Variants in NUP50 observed in about 807,000 individuals in gnomAD.
NUP50 encodes the protein nucleoporin 50.
NUP50 carries 14 observed loss-of-function variants against 36.8 expected under a neutral mutation model. The ratio of observed to expected loss-of-function variants is 0.38; its 90% CI spans 0.25 to 0.59. The LOEUF (loss-of-function observed/expected upper bound fraction) is 0.59, where lower values mean the gene tolerates loss of function less well. Among genes scored for constraint, NUP50 ranks in the 20% least tolerant of loss-of-function variants. NUP50 has a pLI of 0.63. For missense variants in NUP50, 455 were observed against 564.6 expected, an observed-to-expected ratio of 0.81 and a Z score of 1.97; for synonymous variants, 195 against 210.8, an observed-to-expected ratio of 0.93 and a Z score of 0.65.
In NUP50 at chr22:45,178,273, G is replaced by A. The variant is rs1472007091; in HGVS notation, c.376G>A (p.Asp126Asn). ...LAANGPTTLVDKVSNPKTNGD... is the reference protein window; with the variant it reads ...LAANGPTTLVNKVSNPKTNGD... Reference sequence around the variant, plus strand: ...TGCAAATGGCCCTACCACCTTGGTTGATAAAGTTTCAAATCCCAAAACTAA... The same window carrying A: ...TGCAAATGGCCCTACCACCTTGGTTAATAAAGTTTCAAATCCCAAAACTAA... Residue 126 changes from aspartate to asparagine, a missense_variant, in exon 5 of 8, where the codon GAT becomes AAT. By Grantham distance (23) the Asp-to-Asn change is conservative. This residue lies in a region of NUP50 where 166 missense variants were observed against 202.8 expected (regional missense o/e 0.82). Coordinates refer to ENST00000347635, the MANE Select transcript of NUP50 (RefSeq NM_007172.4). The A allele has an allele frequency of 1.2e-6, 2 of 1,613,932 alleles. No individual in the cohort carries two copies. Among genetic ancestry groups the A allele is most frequent in the Admixed American group, 1.7e-5 (1 of 60,010 alleles).
intron 2 of NUP50, chr22:45,171,259 C>T: frequency 7.7e-6 from 7 of 905,224 alleles, no homozygotes; most frequent in Non-Finnish European, 9.9e-6. Flanking sequence ...TGCAGTGGTG[C>T]TATCTCGGCT....
Position 45,185,646 on chromosome 22 carries a change from C to T in NUP50, c.*991C>T, listed in dbSNP as rs1473336731. 6.6e-6 allele frequency: 1 copy of T among 152,128 alleles called. No individual in the cohort carries two copies. Among genetic ancestry groups the T allele is most frequent in the Non-Finnish European group, 1.5e-5 (1 of 68,034 alleles). 9.4% of individuals were successfully genotyped at this position (152,128 alleles called of 1,614,324 possible). ...AGAGAAAATCGTGTGTAAACTTTGC[C>T]TTTAACTTTAGACCGCAGTATATTA... On this transcript the variant is annotated 3_prime_UTR_variant, in exon 8 of 8. Transcript: ENST00000347635.
rs1436429506 is a variant in NUP50, at chr22:45,187,536, TAAAC to T, written c.*2884_*2887del. Reference sequence around the variant, plus strand: ...CACTGAGAGCCTTTTCAGTAAAAGTTAAACAAGTTTGTTTTTTGAGCATTTGTCA... The same window carrying T: ...CACTGAGAGCCTTTTCAGTAAAAGTTAAGTTTGTTTTTTGAGCATTTGTCA... On this transcript the variant is annotated 3_prime_UTR_variant, in exon 8 of 8. Coordinates refer to ENST00000347635, the MANE Select transcript of NUP50 (RefSeq NM_007172.4). The T allele has an allele frequency of 8.5e-5, 13 of 152,376 alleles. No individual in the cohort carries two copies. The highest frequency in any genetic ancestry group is 9.6e-5 in the African/African-American group (4 of 41,576). 9.4% of individuals were successfully genotyped at this position (152,376 alleles called of 1,614,324 possible).
rs1601760554 is a variant in NUP50, at chr22:45,163,986, G to C, written c.-321G>C. The C allele has an allele frequency of 6.6e-6, 1 of 152,212 alleles. No homozygotes were observed. The highest frequency in any genetic ancestry group is 2.4e-5 in the African/African-American group (1 of 41,458). 9.4% of individuals were successfully genotyped at this position (152,212 alleles called of 1,614,324 possible). On this transcript the variant is annotated 5_prime_UTR_variant, in exon 1 of 8. Transcript: ENST00000347635. ...TCTTTCCTCCCTTTTTTTCGAATTG[G>C]TTTTGGGGGTAGATTCGAGTTACAA...
At position 45,178,401 on chromosome 22, in the gene NUP50, G is replaced by C. The variant is rs1456492016; in HGVS notation, c.504G>C (p.Arg168=). The change falls in exon 5 of 8, where the codon CGG becomes CGC. Residue 168 remains arginine, a synonymous_variant. Transcript: ENST00000347635. ...TGGCCGCCTTGAACTGCTCCGTGCG[G>C]GATTGGATAGTGAAGCACGTGAATA... ...KQLAALNCSV[R]DWIVKHVNTN... is the part of the protein sequence containing the mutation. 8.7e-6 allele frequency: 14 copies of C among 1,613,698 alleles called. No individual in the cohort carries two copies. The highest frequency in any genetic ancestry group is 1.3e-5 in the African/African-American group (1 of 74,856).
chr22:45,166,736 C>A (rs1470346647), intron 1 of NUP50, among the ~76,000 whole-genome samples: 1 of 106,008 alleles, frequency 9.4e-6, no homozygotes, highest in African/African-American at 3.8e-5. Flanking sequence ...TATGTCTATT[C>A]CTGTATTTGT....
intron 7 of NUP50, 151 bp downstream of exon 7, chr22:45,183,671 C>T (rs1427552846): frequency 1.6e-6 from 1 of 625,950 alleles, no homozygotes; most frequent in African/African-American, 1.8e-5. Context: ...TTTTGAGTCC[C>T]AGGATAATAG....
intron 2 of NUP50, among the ~76,000 whole-genome samples, chr22:45,169,361 C>A (rs2074147763): frequency 6.6e-6 from 1 of 152,060 alleles, no homozygotes; most frequent in Non-Finnish European, 1.5e-5. Flanking sequence ...CAGGGTGAGA[C>A]CCTGTCTAAA....
At chr22:45,183,584 G>C (rs1439803974) in intron 7 of NUP50, 64 bp downstream of exon 7, 5 of 1,002,820 alleles carry the variant, frequency 5.0e-6, no homozygotes, top group Non-Finnish European at 6.4e-6. Context: ...CGTTTACCCT[G>C]CTGACTCAAG....
chr22:45,166,217 C>G (rs1378813290), intron 1 of NUP50: 2 of 151,334 alleles, frequency 1.3e-5, no homozygotes, highest in Non-Finnish European at 2.9e-5. Context: ...TACAATTTTA[C>G]TATTACAGTT....
intron 1 of NUP50, chr22:45,164,560 C>T (rs1022536455): frequency 7.4e-5 from 11 of 149,402 alleles, no homozygotes; most frequent in African/African-American, 2.3e-4. Flanking sequence ...GGGTACAGGG[C>T]TAGAGGTCGG....
chr22:45,173,193 T>C (rs1014463687), intron 3 of NUP50, among the ~76,000 whole-genome samples: 2 of 152,246 alleles, frequency 1.3e-5, no homozygotes, highest in East Asian at 3.8e-4. Context: ...TTGTGTTTTG[T>C]AATTAATTAA....
At position 45,187,613 on chromosome 22, in the gene NUP50, A is replaced by G. The variant is rs2083463378; in HGVS notation, c.*2958A>G. On this transcript the variant is annotated 3_prime_UTR_variant, in exon 8 of 8. Transcript: ENST00000347635. Reference sequence around the variant, plus strand: ...AAAATTCAAGCACGATACATTTTGAAGGCTTTGCAAACTCCTAAACCCCTG... The same window carrying G: ...AAAATTCAAGCACGATACATTTTGAGGGCTTTGCAAACTCCTAAACCCCTG... 6.6e-6 allele frequency: 1 copy of G among 152,208 alleles called. No individual in the cohort carries two copies. The highest frequency in any genetic ancestry group is 1.5e-5 in the Non-Finnish European group (1 of 68,044). The allele number at this position is 152,208 out of a possible 1,614,324, so 9.4% of individuals were successfully genotyped here. A position where few individuals can be genotyped will look rare whatever the true frequency, so the allele number is the denominator to read the frequency against.
At chr22:45,172,542 C>T (rs1211088308) in intron 3 of NUP50, among the ~76,000 whole-genome samples, 1 of 151,842 alleles carries the variant, frequency 6.6e-6, no homozygotes, top group Non-Finnish European at 1.5e-5. Context: ...TTCCTGGGAG[C>T]GGAAATACTT....
Position 45,185,687 on chromosome 22 carries a change from C to G in NUP50, c.*1032C>G, listed in dbSNP as rs1295001725. On this transcript the variant is annotated 3_prime_UTR_variant, in exon 8 of 8. Transcript: ENST00000347635. ...CAGTATATTATAATACATTTGATAT[C>G]TGAAATATCTTTACTTTTTTAAGAG... The G allele has an allele frequency of 6.6e-6, 1 of 152,138 alleles. No individual in the cohort carries two copies. Among genetic ancestry groups the G allele is most frequent in the East Asian group, 1.9e-4 (1 of 5,202 alleles). The allele number at this position is 152,138 out of a possible 1,614,324, so 9.4% of individuals were successfully genotyped here.
intron 2 of NUP50, 99 bp downstream of exon 2, chr22:45,168,345 T>A: frequency 1.2e-6 from 1 of 824,470 alleles, no homozygotes; most frequent in Non-Finnish European, 2.0e-6. Context: ...CTAAAAGACC[T>A]TTCTAAGAAC....
At position 45,184,633 on chromosome 22, in the gene NUP50, T is replaced by A; in HGVS notation, c.1385T>A (p.Leu462Ter). The A allele has an allele frequency of 6.2e-7, 1 of 1,613,022 alleles. No individual in the cohort carries two copies. The highest frequency in any genetic ancestry group is 8.5e-7 in the Non-Finnish European group (1 of 1,179,422). Reference sequence around the variant, plus strand: ...GATGCAGACGAGTTGCACAAAATTTTACTGGAGAAAAAGGATGCCTGAACA... The same window carrying A: ...GATGCAGACGAGTTGCACAAAATTTAACTGGAGAAAAAGGATGCCTGAACA... ...SEDADELHKI[L>*]LEKKDA Residue 462 changes from leucine (L) to a stop codon, truncating the protein, a stop_gained, in exon 8 of 8, where the codon TTA becomes TAA. Transcript: ENST00000347635. LOFTEE classifies it high-confidence loss of function.
rs369267748 is a variant in NUP50 at position 45,184,576 on chromosome 22, T to G, written c.1328T>G (p.Val443Gly). ...GACGAGAAGAATGCCACCATGCCAG[T>G]CACCATGTTGATTCGGGTAAAAACC... ...PIDEKNATMP[V>G]TMLIRVKTSE... Residue 443 changes from valine (V) to glycine (G), a missense_variant, in exon 8 of 8, where the codon GTC becomes GGC. This residue lies in a region of NUP50 where 287 missense variants were observed against 345.5 expected (regional missense o/e 0.83). Transcript: ENST00000347635. The G allele has an allele frequency of 6.2e-7, 1 of 1,612,064 alleles. No homozygotes were observed. Among genetic ancestry groups the G allele is most frequent in the Non-Finnish European group, 8.5e-7 (1 of 1,178,282 alleles).
At chr22:45,173,981 T>G (rs915971263) in intron 3 of NUP50, among the ~76,000 whole-genome samples, 1 of 152,184 alleles carries the variant, frequency 6.6e-6, no homozygotes, top group Non-Finnish European at 1.5e-5. Context: ...TCCTAAATAG[T>G]GGATTCAGTA....
Sources: allele counts gnomAD v4.1 joint callset (sites outside exome capture counted in the v4.1 genomes callset), GRCh38; gene constraint gnomAD v4.1.1; regional missense constraint gnomAD v4.1.1; transcripts MANE v1.5; gene names NCBI Gene and HGNC (gene_info 2026-07-23, HGNC 2026-07-21).